ANKMY1: variants seen among roughly 807,000 people sequenced by gnomAD.
ANKMY1 encodes ankyrin repeat and MYND domain-containing protein 1.
ANKMY1 carries 98 observed loss-of-function variants against 102.0 expected under a neutral mutation model. That is an observed-to-expected ratio of 0.96 (90% CI 0.82 to 1.14). The LOEUF (loss-of-function observed/expected upper bound fraction) is 1.14, where lower values mean the gene tolerates loss of function less well. Ranked by LOEUF, ANKMY1 falls within the 50% of genes most tolerant of loss-of-function variation. The pLI, the probability that ANKMY1 is intolerant of heterozygous loss-of-function variation, is 0.00. For synonymous variants in ANKMY1, 582 were observed against 559.9 expected, an observed-to-expected ratio of 1.04 and a Z score of -0.56; for missense variants, 1,330 against 1,347.6, an observed-to-expected ratio of 0.99 and a Z score of 0.20.
chr2:240,509,317 G>T (rs917407268), intron 12 of ANKMY1, 31 bp downstream of exon 12: 122 of 1,571,788 alleles, frequency 7.8e-5, no homozygotes, highest in Non-Finnish European at 1.0e-4. Flanking sequence ...ACACATAGGT[G>T]CACAGGTCTG....
intron 4 of ANKMY1, among the ~76,000 whole-genome samples, chr2:240,539,218 C>T (rs1347590700): frequency 6.6e-6 from 1 of 152,214 alleles, no homozygotes; most frequent in Non-Finnish European, 1.5e-5. Context: ...GAGCTGTTAA[C>T]ACTCACCGCA....
chr2:240,497,914 T>C (rs1307511754), intron 15 of ANKMY1, among the ~76,000 whole-genome samples: 1 of 152,194 alleles, frequency 6.6e-6, no homozygotes, highest in African/African-American at 2.4e-5. Context: ...GAGGAGGCAG[T>C]AGACATGGGT....
chr2:240,509,524 A>T (rs2079731516), intron 11 of ANKMY1, 69 bp from the exon 12 acceptor site: 1 of 1,070,860 alleles, frequency 9.3e-7, no homozygotes, highest in Admixed American at 2.4e-5. Context: ...GGTAGTCATT[A>T]ATTTAAATGC....
chr2:240,555,016 A>C lies in ANKMY1; in HGVS notation c.186T>G (p.Ala62=), dbSNP rs1267990107. The change falls in exon 3 of 18, where the codon GCT becomes GCG. Residue 62 remains alanine (A), a synonymous_variant. Coordinates refer to ENST00000401804, the MANE Select transcript of ANKMY1 (RefSeq NM_001282771.3). ...GGTCCTGCGCCCTCAGCGGGCCCTC[A>C]GCTTCCTCCTCTTCCTTCTCAGGGG... ...SAAPEKEEEE[A]EGPLRAQDLR... is the part of the protein sequence containing the mutation. The C allele has an allele frequency of 1.2e-6, 2 of 1,614,122 alleles. 1 individual carries two copies. The highest frequency in any genetic ancestry group is 2.2e-5 in the South Asian group (2 of 91,088).
chr2:240,542,123 G>T (rs926752248), intron 4 of ANKMY1, among the ~76,000 whole-genome samples: 3 of 149,556 alleles, frequency 2.0e-5, no homozygotes, highest in Non-Finnish European at 4.4e-5. Flanking sequence ...CAGGAGAATT[G>T]CTGGAACCCA....
chr2:240,545,914 G>C (rs1251331093), intron 4 of ANKMY1, among the ~76,000 whole-genome samples: 1 of 152,176 alleles, frequency 6.6e-6, no homozygotes, highest in Non-Finnish European at 1.5e-5. Context: ...GGGGAGAATG[G>C]AACCAAATTG....
Position 240,557,096 on chromosome 2 carries a change from T to A in ANKMY1, c.146+94A>T, listed in dbSNP as rs189553758. 5.0e-3 allele frequency: 6,571 copies of A among 1,319,140 alleles called. 25 individuals are homozygous for A. The highest frequency in any genetic ancestry group is 6.5e-3 in the Middle Eastern group (27 of 4,140). The allele number at this position is 1,319,140 out of a possible 1,614,324, so 81.7% of individuals were successfully genotyped here. ...ACTAGTTTCTCAGGGAGTAACACAG[T>A]TCAGGGATTTTTACTGCTTGCCTTA... On this transcript the variant is annotated intron_variant, in intron 2 of 17. Transcript: ENST00000401804.
At chr2:240,502,174 AC>A (rs1013840217) in intron 13 of ANKMY1, among the ~76,000 whole-genome samples, 3 of 83,262 alleles carry the variant, frequency 3.6e-5, no homozygotes, top group African/African-American at 1.4e-4. Context: ...GCCCACCCCC[AC>A]CCCCCAAGTC....
chr2:240,496,365 TAGA>T (rs2077258314), intron 15 of ANKMY1, among the ~76,000 whole-genome samples: 1 of 43,266 alleles, frequency 2.3e-5, no homozygotes, highest in Non-Finnish European at 5.1e-5. Context: ...GATAGATAGA[TAGA>T]TAGATAGATA....
intron 4 of ANKMY1, among the ~76,000 whole-genome samples, chr2:240,545,378 A>G (rs577288096): frequency 1.3e-5 from 2 of 152,350 alleles, no homozygotes; most frequent in South Asian, 4.1e-4. Context: ...ATCATCAAAG[A>G]CCGAAAGTAG....
intron 9 of ANKMY1, among the ~76,000 whole-genome samples, chr2:240,516,903 T>C (rs1275118195): frequency 6.6e-6 from 1 of 152,232 alleles, no homozygotes; most frequent in Non-Finnish European, 1.5e-5. Flanking sequence ...AATGGCTTCT[T>C]TTTGAAACAC....
chr2:240,539,495 G>A (rs1018338460), intron 4 of ANKMY1, among the ~76,000 whole-genome samples: 2 of 152,172 alleles, frequency 1.3e-5, no homozygotes, highest in South Asian at 2.1e-4. Flanking sequence ...TTTAAGAACC[G>A]TAACACTCAC....
At chr2:240,507,315 G>C (rs2079245711) in intron 13 of ANKMY1, among the ~76,000 whole-genome samples, 1 of 148,312 alleles carries the variant, frequency 6.7e-6, no homozygotes, top group African/African-American at 2.5e-5. Context: ...CTCAGGGCCA[G>C]CCCACCTCAC....
rs756921002 is a variant in ANKMY1 at position 240,524,262 on chromosome 2, C to A, written c.1455G>T (p.Pro485=). The A allele has an allele frequency of 6.2e-7, 1 of 1,613,832 alleles. No individual in the cohort carries two copies. The highest frequency in any genetic ancestry group is 1.7e-5 in the Admixed American group (1 of 60,022). ...PSQGSYELRP[P]PAPLLLPRVS... ...CGCGTGGCAGGAGCAGTGGTGCTGG[C>A]GGTGGCCTCAGCTCATAGCTACCCT... The change falls in exon 8 of 18, where the codon CCG becomes CCT. Residue 485 remains proline, a synonymous_variant. Coordinates refer to ENST00000401804, the MANE Select transcript of ANKMY1 (RefSeq NM_001282771.3).
chr2:240,473,952 G>A, the ANKMY1 span, among the ~76,000 whole-genome samples: 10 of 152,214 alleles, frequency 6.6e-5, no homozygotes, highest in South Asian at 2.1e-4. Flanking sequence ...CTAAGATCAC[G>A]AACAAGACAA....
chr2:240,482,328 C>A, intron 15 of ANKMY1, 67 bp from the exon 16 acceptor site: 1 of 1,419,656 alleles, frequency 7.0e-7, no homozygotes. Context: ...GCAGAAGCCA[C>A]CTCCTTGCGC....
chr2:240,497,423 T>G (rs1015541626), intron 15 of ANKMY1, among the ~76,000 whole-genome samples: 4 of 152,322 alleles, frequency 2.6e-5, no homozygotes, highest in Admixed American at 6.5e-5. Flanking sequence ...GGAATAGAGT[T>G]TCTGCCTCCC....
At position 240,507,559 on chromosome 2, in the gene ANKMY1, C is replaced by CCAGGGCCA. The variant is rs2079313577; in HGVS notation, c.2519_2526dup (p.Ile843TrpfsTer3). 1 of 1,605,668 alleles carries CCAGGGCCA rather than the reference C, an allele frequency of 6.2e-7. No individual in the cohort carries two copies. The highest frequency in any genetic ancestry group is 1.3e-5 in the African/African-American group (1 of 74,814). On this transcript the variant is annotated frameshift_variant and splice_region_variant. Transcript: ENST00000401804. LOFTEE classifies it high-confidence loss of function. ...GGCCACCCCAGCCTCCTGCCCCTCACCAGGGCCAGCTTGCTGTCCATGTTC... is the reference window on the plus strand; with the variant it reads ...GGCCACCCCAGCCTCCTGCCCCTCACCAGGGCCACAGGGCCAGCTTGCTGTCCATGTTC...
At chr2:240,552,090 G>C (rs2091621243) in intron 4 of ANKMY1, among the ~76,000 whole-genome samples, 1 of 152,092 alleles carries the variant, frequency 6.6e-6, no homozygotes, top group Admixed American at 6.5e-5. Context: ...TTTCTTCCTT[G>C]ATATATAAAC....
Sources: allele counts gnomAD v4.1 joint callset (sites outside exome capture counted in the v4.1 genomes callset), GRCh38; gene constraint gnomAD v4.1.1; transcripts MANE v1.5; gene names NCBI Gene and HGNC (gene_info 2026-07-23, HGNC 2026-07-21).